PRIM2: variants seen among roughly 807,000 people sequenced by gnomAD.
PRIM2 encodes DNA primase subunit 2.
PRIM2 carries 39 observed loss-of-function variants against 67.3 expected under a neutral mutation model. The ratio of observed to expected loss-of-function variants is 0.58; its 90% CI spans 0.45 to 0.76. The LOEUF (loss-of-function observed/expected upper bound fraction) is 0.76. PRIM2 is among the 30% of genes least tolerant of loss of function. PRIM2 has a pLI of 0.00. For synonymous variants in PRIM2, 143 were observed against 198.7 expected (o/e 0.72, Z 2.36); for missense variants, 398 against 598.7 (o/e 0.66, Z 3.50).
At chr6:57,451,150 TA>T (rs1772533750) in intron 7 of PRIM2, among the ~76,000 whole-genome samples, 1 of 152,168 alleles carries the variant, frequency 6.6e-6, no homozygotes, top group African/African-American at 2.4e-5. Context: ...TAATTATTAT[TA>T]TTTTTTTGAG....
the PRIM2 span, among the ~76,000 whole-genome samples, chr6:57,284,541 C>A: frequency 6.6e-6 from 1 of 152,010 alleles, no homozygotes; most frequent in Admixed American, 6.6e-5. Context: ...TGAAAAATGT[C>A]TCTCTCCATC....
intron 5 of PRIM2, among the ~76,000 whole-genome samples, chr6:57,374,581 C>T (rs1039346551): frequency 2.7e-5 from 4 of 148,280 alleles, no homozygotes; most frequent in Admixed American, 6.8e-5. Context: ...CGTGAGCCAC[C>T]GCGCCCGGCC....
intron 10 of PRIM2, among the ~76,000 whole-genome samples, chr6:57,576,827 C>T (rs1775971937): frequency 1.3e-5 from 2 of 149,976 alleles, no homozygotes; most frequent in Admixed American, 6.6e-5. Flanking sequence ...TCTGAAAATT[C>T]CCCTCTTATC....
intron 5 of PRIM2, among the ~76,000 whole-genome samples, chr6:57,364,799 T>C (rs1769305226): frequency 1.3e-5 from 2 of 152,136 alleles, no homozygotes; most frequent in Non-Finnish European, 2.9e-5. Flanking sequence ...ATGGCATTAG[T>C]TCTCCTGGGT....
At chr6:57,456,831 G>C (rs1772804477) in intron 7 of PRIM2, among the ~76,000 whole-genome samples, 1 of 152,146 alleles carries the variant, frequency 6.6e-6, no homozygotes, top group African/African-American at 2.4e-5. Flanking sequence ...TTGCTGGTGA[G>C]GAGCTGCGTT....
intron 10 of PRIM2, among the ~76,000 whole-genome samples, chr6:57,565,281 C>T (rs1302346821): frequency 6.7e-6 from 1 of 148,334 alleles, no homozygotes; most frequent in Non-Finnish European, 1.5e-5. Context: ...TTATTTATCC[C>T]TTTTTATTCT....
intron 10 of PRIM2, among the ~76,000 whole-genome samples, chr6:57,550,295 A>G (rs1775374979): frequency 6.6e-6 from 1 of 152,174 alleles, no homozygotes; most frequent in East Asian, 1.9e-4. Flanking sequence ...TAAGGGTTTA[A>G]TTCTTCTCTT....
intron 7 of PRIM2, among the ~76,000 whole-genome samples, chr6:57,399,443 A>G (rs532081904): frequency 1.3e-5 from 2 of 152,166 alleles, no homozygotes; most frequent in African/African-American, 4.8e-5. Flanking sequence ...TCTATCATTG[A>G]TGGACATTTG....
At chr6:57,502,317 T>A (rs1185741876) in intron 7 of PRIM2, among the ~76,000 whole-genome samples, 3 of 152,140 alleles carry the variant, frequency 2.0e-5, no homozygotes, top group Non-Finnish European at 4.4e-5. Flanking sequence ...ACCAACCACC[T>A]GATGCTCACC....
chr6:57,232,818 G>A, the PRIM2 span, among the ~76,000 whole-genome samples: 6 of 152,148 alleles, frequency 3.9e-5, no homozygotes, highest in Non-Finnish European at 5.9e-5. Flanking sequence ...ACACCAAATT[G>A]TAAGTCAGAA....
intron 7 of PRIM2, among the ~76,000 whole-genome samples, chr6:57,399,871 C>G (rs1770647314): frequency 6.6e-6 from 1 of 152,070 alleles, no homozygotes; most frequent in African/African-American, 2.4e-5. Flanking sequence ...ATCCTTTGCC[C>G]ACTTTTTGAT....
the PRIM2 span, among the ~76,000 whole-genome samples, chr6:57,308,940 T>C: frequency 2.0e-5 from 3 of 149,376 alleles, no homozygotes; most frequent in Non-Finnish European, 4.5e-5. Flanking sequence ...GTTTGTTTAT[T>C]TTTTTTTTTA....
intron 7 of PRIM2, among the ~76,000 whole-genome samples, chr6:57,468,098 T>C (rs1287415694): frequency 1.3e-5 from 2 of 152,216 alleles, no homozygotes; most frequent in African/African-American, 4.8e-5. Flanking sequence ...ACTACCTCTC[T>C]TCCTATTTGA....
rs757717917 is a variant in PRIM2, at chr6:57,380,011, A to G, written c.555+15A>G. The G allele has an allele frequency of 1.3e-6, 2 of 1,538,776 alleles. No homozygotes were observed. Among genetic ancestry groups the G allele is most frequent in the Non-Finnish European group, 1.8e-6 (2 of 1,141,238 alleles). On this transcript the variant is annotated intron_variant, in intron 6 of 13. Transcript: ENST00000615550. The stretch of plus-strand genomic sequence containing the variant: ...CCATTTATAAGGTATGTAAACATGT[A>G]AAATACTTCCTAGGTTTTGTTAAAT...
intron 7 of PRIM2, among the ~76,000 whole-genome samples, chr6:57,398,533 T>C (rs1249465052): frequency 6.6e-6 from 1 of 152,182 alleles, no homozygotes; most frequent in Non-Finnish European, 1.5e-5. Context: ...ATTTATGTTA[T>C]TTTGCATTTG....
chr6:57,605,125 T>G (rs1481117471), intron 11 of PRIM2, among the ~76,000 whole-genome samples: 7 of 152,252 alleles, frequency 4.6e-5, no homozygotes, highest in Non-Finnish European at 7.3e-5. Context: ...TAAAGCCTAT[T>G]TGATCATGGT....
the PRIM2 span, among the ~76,000 whole-genome samples, chr6:57,255,081 A>T: frequency 6.6e-6 from 1 of 152,110 alleles, no homozygotes; most frequent in African/African-American, 2.4e-5. Context: ...AGGCAGCCTG[A>T]CCCTCAGCTT....
intron 7 of PRIM2, among the ~76,000 whole-genome samples, chr6:57,386,143 T>TG (rs1030898449): frequency 1.3e-5 from 2 of 151,614 alleles, no homozygotes; most frequent in Non-Finnish European, 2.9e-5. Flanking sequence ...CCTCGTCCTT[T>TG]GGGAGGAGGA....
rs576661618 is a variant in PRIM2 at position 57,375,549 on chromosome 6, G to A, written c.460-4352G>A. 7.4e-4 allele frequency among the ~76,000 whole-genome samples: 112 copies of A among 152,052 alleles called. 1 individual carries two copies. The highest frequency in any genetic ancestry group is 1.0e-3 in the Non-Finnish European group (70 of 67,988). ...TTTTCCTTTTTTTTGTTGTATCTCC[G>A]CCAGATTTTGGTATAAGGATGATGC... On this transcript the variant is annotated intron_variant, in intron 5 of 13. Coordinates refer to ENST00000615550, the MANE Select transcript of PRIM2 (RefSeq NM_000947.5).
Sources: allele counts gnomAD v4.1 joint callset (sites outside exome capture counted in the v4.1 genomes callset), GRCh38; gene constraint gnomAD v4.1.1; transcripts MANE v1.5; gene names NCBI Gene and HGNC (gene_info 2026-07-23, HGNC 2026-07-21).